Variants in RAI14 observed in about 807,000 individuals in gnomAD.
RAI14 encodes the protein ankycorbin.
A neutral mutation model predicts 115.4 loss-of-function variants in RAI14; 45 were observed. That is an observed-to-expected ratio of 0.39 (90% CI 0.31 to 0.50). The LOEUF (loss-of-function observed/expected upper bound fraction) is 0.50, where lower values mean the gene tolerates loss of function less well. RAI14 is among the 20% of genes least tolerant of loss of function. The pLI, the probability that RAI14 is intolerant of heterozygous loss-of-function variation, is 0.85. For missense variants in RAI14, 939 were observed against 1,131.2 expected, an observed-to-expected ratio of 0.83 and a Z score of 2.44; for synonymous variants, 371 against 415.4, an observed-to-expected ratio of 0.89 and a Z score of 1.30.
chr5:34,811,252 C>A (rs1446892117), intron 8 of RAI14, 134 bp downstream of exon 8: 2 of 1,048,112 alleles, frequency 1.9e-6, no homozygotes, highest in African/African-American at 3.2e-5. Flanking sequence ...TAAAGTTCTA[C>A]TGTTTCTGAT....
intron 13 of RAI14, among the ~76,000 whole-genome samples, chr5:34,819,097 C>G (rs1357250129): frequency 6.6e-6 from 1 of 152,132 alleles, no homozygotes; most frequent in East Asian, 1.9e-4. Flanking sequence ...TTGTCCCAAA[C>G]TACATGTTAG....
chr5:34,752,988 C>T (rs943677627), intron 2 of RAI14, among the ~76,000 whole-genome samples: 2 of 151,858 alleles, frequency 1.3e-5, no homozygotes, highest in Non-Finnish European at 2.9e-5. Flanking sequence ...ATAAAAGCTT[C>T]ATAAGACATT....
chr5:34,737,066 A>C (rs968740361), intron 2 of RAI14, among the ~76,000 whole-genome samples: 3 of 152,002 alleles, frequency 2.0e-5, no homozygotes, highest in Non-Finnish European at 4.4e-5. Flanking sequence ...TAGGTTGAGT[A>C]CTCCTTATCA....
At chr5:34,749,089 A>G (rs1029803087) in intron 2 of RAI14, among the ~76,000 whole-genome samples, 6 of 152,158 alleles carry the variant, frequency 3.9e-5, no homozygotes, top group African/African-American at 1.4e-4. Context: ...TTCCTGGACA[A>G]TGTGAATCTG....
intron 2 of RAI14, among the ~76,000 whole-genome samples, chr5:34,732,183 C>T (rs1452155536): frequency 6.6e-6 from 1 of 152,136 alleles, no homozygotes; most frequent in African/African-American, 2.4e-5. Flanking sequence ...GCCTGGGCTC[C>T]CTGCTGCCAG....
chr5:34,826,598 C>T (rs1757477926), intron 16 of RAI14, 119 bp downstream of exon 16: 9 of 1,292,036 alleles, frequency 7.0e-6, no homozygotes, highest in Non-Finnish European at 9.3e-6. Flanking sequence ...AAGGAATGTA[C>T]TTCAATGAGC....
intron 3 of RAI14, among the ~76,000 whole-genome samples, chr5:34,770,618 T>G (rs1222036561): frequency 3.3e-5 from 5 of 152,182 alleles, no homozygotes; most frequent in African/African-American, 1.2e-4. Flanking sequence ...AGCTGCGTAC[T>G]TTTCTGCAGG....
At chr5:34,814,515 C>T (rs546549048) in intron 11 of RAI14, 68 bp from the exon 12 acceptor site, 68 of 1,183,774 alleles carry the variant, frequency 5.7e-5, no homozygotes, top group Middle Eastern at 3.9e-4. Context: ...GTTGATTCTT[C>T]GGCACTGGAG....
chr5:34,803,234 G>A lies in RAI14; in HGVS notation c.257-478G>A, dbSNP rs1036550589. Among the ~76,000 whole-genome samples the A allele has an allele frequency of 2.0e-5, 3 of 152,270 alleles. No homozygotes were observed. The South Asian group carries it at 6.2e-4, about 32-fold the overall frequency. On this transcript the variant is annotated intron_variant, in intron 4 of 17. Coordinates refer to ENST00000265109, the MANE Select transcript of RAI14 (RefSeq NM_015577.3). ...GTGGGATAGGGCATGGGGGATGCTC[G>A]ATTCTTCCCACTCGCAAGAATAACA...
intron 2 of RAI14, among the ~76,000 whole-genome samples, chr5:34,734,762 A>G (rs1744650151): frequency 1.3e-5 from 2 of 152,048 alleles, no homozygotes; most frequent in East Asian, 1.9e-4. Flanking sequence ...CCCAGGTTCA[A>G]GCAATTCTCC....
rs975802336 is a variant in RAI14 at position 34,709,935 on chromosome 5, G to A, written c.36+22980G>A. 3.9e-5 allele frequency among the ~76,000 whole-genome samples: 6 copies of A among 152,204 alleles called. No homozygotes were observed. The South Asian group carries it at 1.2e-3, about 32-fold the overall frequency. On this transcript the variant is annotated intron_variant, in intron 2 of 17. Coordinates refer to ENST00000265109, the MANE Select transcript of RAI14 (RefSeq NM_015577.3). Reference sequence around the variant, plus strand: ...TGTTTTCAAACCATCCCGAAGAAAAGCAAATGTGATTTAAGGCCAGATTGT... The same window carrying A: ...TGTTTTCAAACCATCCCGAAGAAAAACAAATGTGATTTAAGGCCAGATTGT...
At chr5:34,820,259 G>A (rs1580362130) in intron 13 of RAI14, among the ~76,000 whole-genome samples, 1 of 152,250 alleles carries the variant, frequency 6.6e-6, no homozygotes, top group East Asian at 1.9e-4. Context: ...TCAAAGTGTG[G>A]GTAAAGTATT....
chr5:34,711,136 G>A (rs1416458183), intron 2 of RAI14, among the ~76,000 whole-genome samples: 1 of 152,116 alleles, frequency 6.6e-6, no homozygotes, highest in African/African-American at 2.4e-5. Flanking sequence ...TTTCATGCGC[G>A]TCCGTGTGAA....
rs184166894 is a variant in RAI14, at chr5:34,786,825, G to A, written c.168-9114G>A. On this transcript the variant is annotated intron_variant, in intron 3 of 17. Coordinates refer to ENST00000265109, the MANE Select transcript of RAI14 (RefSeq NM_015577.3). ...AGACACACACACAGAAATACAGACC[G>A]TGGAGTGGGAAATCAGGGGTCTCAC... 3.8e-3 allele frequency among the ~76,000 whole-genome samples: 578 copies of A among 152,316 alleles called. 3 individuals are homozygous for A. Among genetic ancestry groups the A allele is most frequent in the African/African-American group, 0.013 (554 of 41,560 alleles).
intron 3 of RAI14, among the ~76,000 whole-genome samples, chr5:34,789,430 G>A (rs2150187021): frequency 6.6e-6 from 1 of 152,320 alleles, no homozygotes; most frequent in East Asian, 1.9e-4. Context: ...GCCAAACCCT[G>A]CTTTGGGGAT....
At chr5:34,822,904 G>T in intron 14 of RAI14, 52 bp from the exon 15 acceptor site, 1 of 1,446,228 alleles carries the variant, frequency 6.9e-7, no homozygotes, top group Non-Finnish European at 9.5e-7. Flanking sequence ...AGCCAGGATG[G>T]TCTCAATCTC....
chr5:34,757,888 T>G, intron 3 of RAI14: 2 of 209,232 alleles, frequency 9.6e-6, no homozygotes, highest in Non-Finnish European at 1.9e-5. Context: ...AGAAATAGCA[T>G]AAAAGAGAAA....
intron 4 of RAI14, among the ~76,000 whole-genome samples, chr5:34,798,483 A>G (rs1028862093): frequency 6.6e-6 from 1 of 152,078 alleles, no homozygotes; most frequent in Non-Finnish European, 1.5e-5. Context: ...TTCCTTCCAG[A>G]TTGTCCCAAT....
chr5:34,758,328 A>G (rs1748170825), intron 3 of RAI14, among the ~76,000 whole-genome samples: 1 of 152,248 alleles, frequency 6.6e-6, no homozygotes, highest in East Asian at 1.9e-4. Flanking sequence ...AGGCTCTGAG[A>G]CAAGGATTTA....
Sources: allele counts gnomAD v4.1 joint callset (sites outside exome capture counted in the v4.1 genomes callset), GRCh38; gene constraint gnomAD v4.1.1; transcripts MANE v1.5; gene names NCBI Gene and HGNC (gene_info 2026-07-23, HGNC 2026-07-21).